The following PCDHGA2 variants were observed in gnomAD, a reference collection of about 807,000 sequenced individuals.
PCDHGA2 encodes the protein protocadherin gamma subfamily A, 2.
A neutral mutation model predicts 59.2 loss-of-function variants in PCDHGA2; 40 were observed. That is an observed-to-expected ratio of 0.68 (90% CI 0.52 to 0.88). The LOEUF (loss-of-function observed/expected upper bound fraction) is 0.88. PCDHGA2 is among the 40% of genes least tolerant of loss of function. PCDHGA2 has a pLI of 0.00. For synonymous variants in PCDHGA2, 560 were observed against 526.0 expected (o/e 1.06, Z -0.89); for missense variants, 1,226 against 1,204.0 (o/e 1.02, Z -0.27).
At chr5:141,503,099 C>T (rs1286557930) in intron 2 of PCDHGA2, among the ~76,000 whole-genome samples, 1 of 151,884 alleles carries the variant, frequency 6.6e-6, no homozygotes, top group Non-Finnish European at 1.5e-5. Context: ...GTGGTCTGCC[C>T]GCCCCTGCCT....
At chr5:141,360,924 A>G (rs1475518154) in intron 1 of PCDHGA2, 3 of 1,614,006 alleles carry the variant, frequency 1.9e-6, no homozygotes, top group South Asian at 2.2e-5. Flanking sequence ...TTGTGCTTCA[A>G]GTGACAGCCA....
At position 141,490,155 on chromosome 5, in the gene PCDHGA2, G is replaced by A. The variant is rs753981059; in HGVS notation, c.2425-4652G>A. On this transcript the variant is annotated intron_variant, in intron 1 of 3. Transcript: ENST00000394576. This position sits in a 1 kb window ranked among gnomAD's most constrained non-coding sequence, Gnocchi z 5.4. ...CTAGCAGTGGGGCAATCCATGTGTT[G>A]GGTCCCATAGACTTTGAGGAGTCAC... 2 of 1,614,214 alleles carry A rather than the reference G, an allele frequency of 1.2e-6. No individual in the cohort carries two copies. The highest frequency in any genetic ancestry group is 1.1e-5 in the South Asian group (1 of 91,086).
intron 1 of PCDHGA2, chr5:141,421,690 C>T: frequency 6.2e-7 from 1 of 1,613,948 alleles, no homozygotes. Context: ...GCGATTTGCT[C>T]TTCCTAATGC....
Position 141,422,740 on chromosome 5 carries a change from T to C in PCDHGA2, c.2425-72067T>C, listed in dbSNP as rs536737009. The C allele has an allele frequency of 2.7e-5, 43 of 1,609,962 alleles. 1 individual carries two copies. In the South Asian group the frequency reaches 4.8e-4, roughly 18 times the overall value. On this transcript the variant is annotated intron_variant, in intron 1 of 3. Transcript: ENST00000394576. ...TGTCCAGGGGGTGCCTCTGTCCTCC[T>C]ATGTCTCTATTAACTCCAACACTGG... is the stretch of plus-strand genomic sequence containing the variant.
chr5:141,378,347 A>AC (rs1159176401), intron 1 of PCDHGA2: 1 of 152,134 alleles, frequency 6.6e-6, no homozygotes, highest in Non-Finnish European at 1.5e-5. Flanking sequence ...ACATGGTGAA[A>AC]CCCCGTCTCT....
In PCDHGA2 at chr5:141,490,701, C is replaced by T; in HGVS notation, c.2425-4106C>T. On this transcript the variant is annotated intron_variant, in intron 1 of 3. Transcript: ENST00000394576. This position sits in a 1 kb window ranked among gnomAD's most constrained non-coding sequence, Gnocchi z 5.4. Reference sequence around the variant, plus strand: ...CAGATCCAGACACTGGGGATAATGCCCGCCTCACCTACTCCATTGTAGGAA... The same window carrying T: ...CAGATCCAGACACTGGGGATAATGCTCGCCTCACCTACTCCATTGTAGGAA... The T allele has an allele frequency of 6.2e-7, 1 of 1,614,184 alleles. No individual in the cohort carries two copies. The highest frequency in any genetic ancestry group is 8.5e-7 in the Non-Finnish European group (1 of 1,180,008).
chr5:141,487,475 C>T lies in PCDHGA2; in HGVS notation c.2425-7332C>T, dbSNP rs781308835. On this transcript the variant is annotated intron_variant, in intron 1 of 3. Coordinates refer to ENST00000394576, the MANE Select transcript of PCDHGA2 (RefSeq NM_018915.4). The surrounding 1 kb of genome is among the most constrained non-coding windows in gnomAD (Gnocchi z 5.0). ...TATCAAGTTTGTTGATGTGGGAGGC[C>T]ACTCTCATGGCTGTACACCCTTGGC... 1.2e-6 allele frequency: 2 copies of T among 1,614,156 alleles called. No homozygotes were observed. Among genetic ancestry groups the T allele is most frequent in the South Asian group, 1.1e-5 (1 of 91,080 alleles).
chr5:141,390,679 C>T (rs1180129734), intron 1 of PCDHGA2: 1 of 185,884 alleles, frequency 5.4e-6, no homozygotes, highest in Non-Finnish European at 1.1e-5. Flanking sequence ...AATAATAAAG[C>T]CAAAGAATTT....
At chr5:141,482,901 A>T (rs192886570) in intron 1 of PCDHGA2, among the ~76,000 whole-genome samples, 2 of 152,240 alleles carry the variant, frequency 1.3e-5, no homozygotes, top group African/African-American at 4.8e-5. Flanking sequence ...GTGAAACCTC[A>T]TCTCTATTAA....
At chr5:141,380,197 G>A (rs1222877039) in intron 1 of PCDHGA2, among the ~76,000 whole-genome samples, 1 of 152,144 alleles carries the variant, frequency 6.6e-6, no homozygotes, top group East Asian at 1.9e-4. Flanking sequence ...ACTGAGCCCG[G>A]CCTGAAAGGC....
At chr5:141,376,602 A>T in intron 1 of PCDHGA2, 1 of 1,521,112 alleles carries the variant, frequency 6.6e-7, no homozygotes, top group Non-Finnish European at 8.9e-7. Flanking sequence ...CTGTTATAGA[A>T]GCGAACCTCT....
intron 1 of PCDHGA2, chr5:141,383,115 G>T: frequency 6.2e-7 from 1 of 1,614,078 alleles, no homozygotes; most frequent in Non-Finnish European, 8.5e-7. Flanking sequence ...GAGGTAGGAC[G>T]CAGCTTTTCG....
chr5:141,405,758 G>A (rs533667979), intron 1 of PCDHGA2, among the ~76,000 whole-genome samples: 8 of 152,246 alleles, frequency 5.3e-5, no homozygotes, highest in South Asian at 2.1e-4. Context: ...GATTACAGGC[G>A]TGAGCCACTG....
At position 141,372,426 on chromosome 5, in the gene PCDHGA2, C is replaced by A; in HGVS notation, c.2424+31031C>A. ...AGAGATACAACCTGACCTTAGCGAC[C>A]GCCCCACTCCCTCTGACCCTCAGGC... On this transcript the variant is annotated intron_variant, in intron 1 of 3. Coordinates refer to ENST00000394576, the MANE Select transcript of PCDHGA2 (RefSeq NM_018915.4). 1 of 1,614,026 alleles carries A rather than the reference C, an allele frequency of 6.2e-7. No individual in the cohort carries two copies. Among genetic ancestry groups the A allele is most frequent in the Non-Finnish European group, 8.5e-7 (1 of 1,179,890 alleles).
chr5:141,481,181 G>C (rs1364223040), intron 1 of PCDHGA2, among the ~76,000 whole-genome samples: 1 of 152,154 alleles, frequency 6.6e-6, no homozygotes, highest in Non-Finnish European at 1.5e-5. Context: ...CAGCTTTATT[G>C]GGCCAGGCCC....
chr5:141,415,305 C>G (rs200439097), intron 1 of PCDHGA2: 1 of 1,614,234 alleles, frequency 6.2e-7, no homozygotes, highest in African/African-American at 1.3e-5. Context: ...TCTTCCTGGC[C>G]TTCGTCATCG....
rs748105196 is a variant in PCDHGA2 at position 141,486,849 on chromosome 5, A to G, written c.2425-7958A>G. ...GTTCGTCTATTTGTGCTGGACCTCA[A>G]TGACAATGCTCCAGCTGTGCTCCGT... is the stretch of plus-strand genomic sequence containing the variant. On this transcript the variant is annotated intron_variant, in intron 1 of 3. Coordinates refer to ENST00000394576, the MANE Select transcript of PCDHGA2 (RefSeq NM_018915.4). The surrounding 1 kb of genome is among the most constrained non-coding windows in gnomAD (Gnocchi z 5.0). 4.3e-6 allele frequency: 7 copies of G among 1,614,110 alleles called. No individual in the cohort carries two copies. The highest frequency in any genetic ancestry group is 5.1e-6 in the Non-Finnish European group (6 of 1,180,036).
chr5:141,486,987 G>C lies in PCDHGA2; in HGVS notation c.2425-7820G>C, dbSNP rs1327158531. ...GACTTGGATTCAGGTTACAATGCTTGGGTTTCCTATCAGCTCCTGGAGGCC... is the reference window on the plus strand; with the variant it reads ...GACTTGGATTCAGGTTACAATGCTTCGGTTTCCTATCAGCTCCTGGAGGCC... On this transcript the variant is annotated intron_variant, in intron 1 of 3. Transcript: ENST00000394576. The surrounding 1 kb of genome is among the most constrained non-coding windows in gnomAD (Gnocchi z 5.0). The C allele has an allele frequency of 6.2e-7, 1 of 1,614,144 alleles. No homozygotes were observed. Among genetic ancestry groups the C allele is most frequent in the Admixed American group, 1.7e-5 (1 of 60,020 alleles).
chr5:141,341,341 T>C lies in PCDHGA2; in HGVS notation c.2370T>C (p.Phe790=). 1 of 1,614,236 alleles carries C rather than the reference T, an allele frequency of 6.2e-7. No individual in the cohort carries two copies. The highest frequency in any genetic ancestry group is 1.1e-5 in the South Asian group (1 of 91,090). ...AGGAGAGCTGTGAGAAAAAGGATTT[T>C]TTATCAGCGCCTCAATCTCTACTCG... The part of the protein sequence containing the change: ...ISQESCEKKD[F]LSAPQSLLEE... Residue 790 remains phenylalanine (F), a synonymous_variant, in exon 1 of 4, where the codon TTT becomes TTC. Coordinates refer to ENST00000394576, the MANE Select transcript of PCDHGA2 (RefSeq NM_018915.4).
Sources: allele counts gnomAD v4.1 joint callset (sites outside exome capture counted in the v4.1 genomes callset), GRCh38; gene constraint gnomAD v4.1.1; non-coding constraint Gnocchi (gnomAD v3.1); transcripts MANE v1.5; gene names NCBI Gene and HGNC (gene_info 2026-07-23, HGNC 2026-07-21).